Variants in CCNE1 observed in about 807,000 individuals in gnomAD.
CCNE1 encodes G1/S-specific cyclin-E1.
CCNE1 carries 8 observed loss-of-function variants against 54.1 expected under a neutral mutation model. The ratio of observed to expected loss-of-function variants is 0.15; its 90% CI spans 0.09 to 0.27. The LOEUF (loss-of-function observed/expected upper bound fraction) is 0.27. Among genes scored for constraint, CCNE1 ranks in the 10% least tolerant of loss-of-function variants. The probability of loss-of-function intolerance (pLI) is 1.00; values close to 1 mark genes in which losing one functional copy is unlikely to be tolerated. For missense variants in CCNE1, 430 were observed against 514.9 expected (o/e 0.84, Z 1.60); for synonymous variants, 179 against 185.2 (o/e 0.97, Z 0.27).
chr19:29,823,129 C>T (rs765528022), intron 11 of CCNE1, among the ~76,000 whole-genome samples: 6 of 152,006 alleles, frequency 3.9e-5, no homozygotes, highest in Non-Finnish European at 8.8e-5. Context: ...TTTCACTCAC[C>T]TCCGTAGAAA....
intron 7 of CCNE1, among the ~76,000 whole-genome samples, chr19:29,821,352 A>C (rs1195107911): frequency 6.6e-6 from 1 of 152,190 alleles, no homozygotes; most frequent in South Asian, 2.1e-4. Flanking sequence ...CTACCACTGC[A>C]CTCCAGCCTG....
chr19:29,816,731 T>TC (rs1974025343), intron 4 of CCNE1, among the ~76,000 whole-genome samples: 1 of 152,238 alleles, frequency 6.6e-6, no homozygotes, highest in South Asian at 2.1e-4. Context: ...TTTTAAGTTT[T>TC]AGGGTACATG....
intron 6 of CCNE1, among the ~76,000 whole-genome samples, chr19:29,820,003 C>A (rs930331124): frequency 1.3e-5 from 2 of 152,256 alleles, no homozygotes; most frequent in African/African-American, 4.8e-5. Flanking sequence ...GAAAGCACTT[C>A]ACGGCTTCTC....
rs1205916639 is a variant in CCNE1, at chr19:29,812,754, A to G, written c.89A>G (p.Lys30Arg). 1.9e-6 allele frequency: 3 copies of G among 1,593,782 alleles called. No individual in the cohort carries two copies. Among genetic ancestry groups the G allele is most frequent in the Admixed American group, 1.8e-5 (1 of 54,996 alleles). Residue 30 changes from lysine (K) to arginine (R), a missense_variant, in exon 3 of 12, where the codon AAG becomes AGG. This residue lies in a region of CCNE1 where 127 missense variants were observed against 113.8 expected (regional missense o/e 1.12). Transcript: ENST00000262643. ...GCGGAGTTCTCGGCTCGCTCCAGGA[A>G]GAGGAAGGCAAACGTGACCGTTGTG... ...GGAEFSARSR[K>R]RKANVTVFLQ...
intron 4 of CCNE1, among the ~76,000 whole-genome samples, chr19:29,816,449 A>G (rs3218043): frequency 0.018 from 2,695 of 152,290 alleles, 56 homozygotes; most frequent in African/African-American, 0.052. Context: ...AAGACTCAGG[A>G]GATTCAGAGG....
intron 7 of CCNE1, 139 bp from the exon 8 acceptor site, chr19:29,821,574 AACCATTGGT>A (rs1222899313): frequency 8.9e-6 from 3 of 337,960 alleles, no homozygotes; most frequent in African/African-American, 7.4e-5. Context: ...TTTTTTTTAC[AACCATTGGT>A]GTGGCTTCTG....
chr19:29,816,629 ATG>A (rs1471901522), intron 4 of CCNE1, among the ~76,000 whole-genome samples: 1 of 152,230 alleles, frequency 6.6e-6, no homozygotes, highest in African/African-American at 2.4e-5. Context: ...CAAAAAGAAA[ATG>A]TCACATTTGA....
chr19:29,823,019 T>C (rs924533011), intron 11 of CCNE1, among the ~76,000 whole-genome samples: 1 of 152,090 alleles, frequency 6.6e-6, no homozygotes, highest in Non-Finnish European at 1.5e-5. Flanking sequence ...AAAACTCCAA[T>C]TTTAATTAAT....
chr19:29,817,047 C>G (rs1974032878), intron 4 of CCNE1, 90 bp from the exon 5 acceptor site: 4 of 1,313,422 alleles, frequency 3.0e-6, no homozygotes, highest in Non-Finnish European at 2.1e-6. Flanking sequence ...TAGTATCTTA[C>G]TGAGTTGCAG....
chr19:29,818,176 G>A (rs1281089978), intron 6 of CCNE1, among the ~76,000 whole-genome samples: 5 of 152,004 alleles, frequency 3.3e-5, no homozygotes, highest in East Asian at 1.9e-4. Flanking sequence ...ACAGGCGCCC[G>A]CCACCACGTC....
chr19:29,812,988 A>C lies in CCNE1; in HGVS notation c.131A>C (p.Glu44Ala). 6.2e-7 allele frequency: 1 copy of C among 1,614,108 alleles called. No individual in the cohort carries two copies. Residue 44 changes from glutamate (E) to alanine (A), a missense_variant, in exon 4 of 12, where the codon GAA becomes GCA. Physicochemically the swap from Glu to Ala is moderately radical, Grantham distance 107 (BLOSUM62 -1). Coordinates refer to ENST00000262643, the MANE Select transcript of CCNE1 (RefSeq NM_001238.4). ...TGTTAGTTTTTGCAGGATCCAGATG[A>C]AGAAATGGCCAAAATCGACAGGACG... ...NVTVFLQDPD[E>A]EMAKIDRTAR...
At chr19:29,818,411 C>T (rs567931291) in intron 6 of CCNE1, among the ~76,000 whole-genome samples, 5 of 152,124 alleles carry the variant, frequency 3.3e-5, no homozygotes, top group South Asian at 2.1e-4. Flanking sequence ...CCACCCACCT[C>T]GGCCTCCCAG....
Position 29,812,672 on chromosome 19 carries a change from G to A in CCNE1, c.24-17G>A. ...GCCGCGGGTGCTCACCCGGCCCGGT[G>A]CCACCCGGGTCCACAGGGATGCGAA... On this transcript the variant is annotated splice_polypyrimidine_tract_variant and intron_variant, in intron 2 of 11. Coordinates refer to ENST00000262643, the MANE Select transcript of CCNE1 (RefSeq NM_001238.4). The A allele has an allele frequency of 6.3e-7, 1 of 1,576,136 alleles. No homozygotes were observed. The highest frequency in any genetic ancestry group is 8.6e-7 in the Non-Finnish European group (1 of 1,162,690).
At chr19:29,819,859 T>G (rs893812730) in intron 6 of CCNE1, among the ~76,000 whole-genome samples, 1 of 152,130 alleles carries the variant, frequency 6.6e-6, no homozygotes, top group African/African-American at 2.4e-5. Flanking sequence ...AGAAGTTGAG[T>G]GTGTAACTAC....
rs887813931 is a variant in CCNE1 at position 29,819,406 on chromosome 19, C to T, written c.463-1296C>T. On this transcript the variant is annotated intron_variant, in intron 6 of 11. Coordinates refer to ENST00000262643, the MANE Select transcript of CCNE1 (RefSeq NM_001238.4). ...CAAGCAGTCCTCCCACCTCAGCCTC[C>T]GCAGTCCTTGGGACTACAGGCATGA... 5.3e-5 allele frequency among the ~76,000 whole-genome samples: 8 copies of T among 151,918 alleles called. No homozygotes were observed. In the East Asian group the frequency reaches 5.8e-4, roughly 11 times the overall value.
chr19:29,818,095 C>T (rs1974069080), intron 6 of CCNE1, among the ~76,000 whole-genome samples: 1 of 147,542 alleles, frequency 6.8e-6, no homozygotes, highest in African/African-American at 2.5e-5. Context: ...GGTGCGATCT[C>T]AGCTTACTGC....
At chr19:29,816,458 G>T (rs1194294815) in intron 4 of CCNE1, among the ~76,000 whole-genome samples, 1 of 152,168 alleles carries the variant, frequency 6.6e-6, no homozygotes, top group East Asian at 1.9e-4. Context: ...GAGATTCAGA[G>T]GTCTTAAGGA....
chr19:29,817,560 G>A lies in CCNE1; in HGVS notation c.462+19G>A. 1.2e-6 allele frequency: 2 copies of A among 1,614,084 alleles called. No individual in the cohort carries two copies. Among genetic ancestry groups the A allele is most frequent in the Non-Finnish European group, 1.7e-6 (2 of 1,179,980 alleles). On this transcript the variant is annotated intron_variant, in intron 6 of 11. Transcript: ENST00000262643. ...AATGGAGGTGAGCTTGAGTCTTCCT[G>A]TTCGCTTCATGAAAGCACTGAGCAT... is the stretch of plus-strand genomic sequence containing the variant.
Position 29,812,997 on chromosome 19 carries a change from C to G in CCNE1, c.140C>G (p.Ala47Gly). 6.2e-7 allele frequency: 1 copy of G among 1,614,118 alleles called. No homozygotes were observed. Among genetic ancestry groups the G allele is most frequent in the Non-Finnish European group, 8.5e-7 (1 of 1,180,026 alleles). ...TTGCAGGATCCAGATGAAGAAATGG[C>G]CAAAATCGACAGGACGGCGAGGGAC... ...VFLQDPDEEM[A>G]KIDRTARDQC... Residue 47 changes from alanine (A) to glycine (G), a missense_variant, in exon 4 of 12, where the codon GCC becomes GGC. This residue lies in a region of CCNE1 where 127 missense variants were observed against 113.8 expected (regional missense o/e 1.12). Transcript: ENST00000262643.
Sources: allele counts gnomAD v4.1 joint callset (sites outside exome capture counted in the v4.1 genomes callset), GRCh38; gene constraint gnomAD v4.1.1; regional missense constraint gnomAD v4.1.1; transcripts MANE v1.5; gene names NCBI Gene and HGNC (gene_info 2026-07-23, HGNC 2026-07-21).